Variants in ASTN2 observed in about 807,000 individuals in gnomAD.
ASTN2 encodes astrotactin-2.
Under a neutral mutation model 139.8 loss-of-function variants are expected in ASTN2, and 54 were observed. The ratio of observed to expected loss-of-function variants is 0.39; its 90% CI spans 0.31 to 0.48. The LOEUF (loss-of-function observed/expected upper bound fraction) is 0.48. Ranked by LOEUF, ASTN2 falls within the 20% of genes least tolerant of loss-of-function variation. ASTN2 has a pLI of 0.95. For synonymous variants in ASTN2, 756 were observed against 719.5 expected (o/e 1.05, Z -0.81); for missense variants, 1,565 against 1,725.1 (o/e 0.91, Z 1.64).
At chr9:117,313,689 C>A (rs561175045) in intron 1 of ASTN2, among the ~76,000 whole-genome samples, 5 of 152,220 alleles carry the variant, frequency 3.3e-5, no homozygotes, top group African/African-American at 1.2e-4. Flanking sequence ...AAGCCAGGAG[C>A]CTCCAGAACC....
At chr9:116,482,356 T>C (rs748061875) in intron 20 of ASTN2, among the ~76,000 whole-genome samples, 1 of 151,966 alleles carries the variant, frequency 6.6e-6, no homozygotes, top group East Asian at 1.9e-4. Flanking sequence ...AAAAAAACAC[T>C]ACCCTATCTC....
intron 5 of ASTN2, among the ~76,000 whole-genome samples, chr9:117,093,539 T>C (rs1587955262): frequency 6.6e-6 from 1 of 152,178 alleles, no homozygotes; most frequent in East Asian, 1.9e-4. Context: ...CAAGGGCTCC[T>C]GGACCTCCCT....
chr9:117,364,506 G>T (rs1488206898), intron 1 of ASTN2, among the ~76,000 whole-genome samples: 1 of 152,176 alleles, frequency 6.6e-6, no homozygotes, highest in Admixed American at 6.5e-5. Flanking sequence ...TAAAAAGCAG[G>T]CATGATTTAC....
chr9:117,162,684 T>C (rs1830580330), intron 3 of ASTN2, among the ~76,000 whole-genome samples: 1 of 152,080 alleles, frequency 6.6e-6, no homozygotes. Context: ...AATTGTACTG[T>C]TGTACAAAGG....
chr9:117,284,390 C>T (rs182354790), intron 2 of ASTN2, among the ~76,000 whole-genome samples: 117 of 152,346 alleles, frequency 7.7e-4, no homozygotes, highest in African/African-American at 2.8e-3. Flanking sequence ...CAGGCTTCAG[C>T]CACCGCACCT....
chr9:116,623,147 C>CTGTGTGTGTG lies in ASTN2; in HGVS notation c.3073-2714_3073-2705dup, dbSNP rs10527124. The stretch of plus-strand genomic sequence containing the variant: ...GCAATGGGAAGAGAGAGAGCATACT[C>CTGTGTGTGTG]TGTGTGTGTGTGTGTGTGTGTGTGT... On this transcript the variant is annotated intron_variant, in intron 17 of 22. Coordinates refer to ENST00000313400, the MANE Select transcript of ASTN2 (RefSeq NM_001365068.1). Among the ~76,000 whole-genome samples, 23 of 137,212 alleles carry CTGTGTGTGTG rather than the reference C, an allele frequency of 1.7e-4. No homozygotes were observed. The East Asian group carries it at 1.8e-3, about 11-fold the overall frequency. The allele number at this position is 137,212 out of a possible 152,430, so 90.0% of individuals were successfully genotyped here. A position where few individuals can be genotyped will look rare whatever the true frequency, so the allele number is the denominator to read the frequency against.
chr9:117,000,787 T>C (rs910936918), intron 7 of ASTN2, among the ~76,000 whole-genome samples: 11 of 152,208 alleles, frequency 7.2e-5, no homozygotes, highest in African/African-American at 2.7e-4. Context: ...TGTTTAATGA[T>C]TGTCTTTCTG....
At chr9:117,367,466 A>T (rs1829874421) in intron 1 of ASTN2, among the ~76,000 whole-genome samples, 1 of 152,194 alleles carries the variant, frequency 6.6e-6, no homozygotes. Context: ...TCTGTAAAGA[A>T]GGGACATTTT....
chr9:116,463,648 G>C (rs1029044188), intron 20 of ASTN2, among the ~76,000 whole-genome samples: 3 of 152,082 alleles, frequency 2.0e-5, no homozygotes. Flanking sequence ...ACTAATGTAA[G>C]GGGTATAGTT....
At chr9:116,452,711 G>A (rs1229341950) in intron 20 of ASTN2, among the ~76,000 whole-genome samples, 1 of 152,198 alleles carries the variant, frequency 6.6e-6, no homozygotes, top group Non-Finnish European at 1.5e-5. Context: ...CCCAACATAG[G>A]TCTACTTACT....
At chr9:117,175,502 G>A (rs1296159225) in intron 3 of ASTN2, among the ~76,000 whole-genome samples, 1 of 152,096 alleles carries the variant, frequency 6.6e-6, no homozygotes, top group Non-Finnish European at 1.5e-5. Context: ...AGAAGAAAAT[G>A]AATGAGGGAG....
chr9:116,731,515 T>G (rs1317949919), intron 14 of ASTN2, among the ~76,000 whole-genome samples: 2 of 152,098 alleles, frequency 1.3e-5, no homozygotes, highest in Non-Finnish European at 2.9e-5. Flanking sequence ...CTCCACCTCC[T>G]GGGTTCAAGT....
chr9:116,666,791 G>A (rs1431922001), intron 16 of ASTN2, among the ~76,000 whole-genome samples: 1 of 151,902 alleles, frequency 6.6e-6, no homozygotes, highest in Non-Finnish European at 1.5e-5. Flanking sequence ...GAAACACTTA[G>A]CTAAATCTGT....
intron 5 of ASTN2, among the ~76,000 whole-genome samples, chr9:117,093,034 G>A (rs1828745827): frequency 1.3e-5 from 2 of 152,180 alleles, no homozygotes; most frequent in Non-Finnish European, 2.9e-5. Flanking sequence ...GAAGCTGGAA[G>A]CCAGGTATAT....
At chr9:117,362,292 G>C (rs188746479) in intron 1 of ASTN2, among the ~76,000 whole-genome samples, 3 of 152,154 alleles carry the variant, frequency 2.0e-5, no homozygotes, top group Non-Finnish European at 2.9e-5. Flanking sequence ...TGTGTGCTTT[G>C]AGACAGTTCC....
intron 5 of ASTN2, among the ~76,000 whole-genome samples, chr9:117,087,276 C>CTAGT (rs1828591273): frequency 1.3e-5 from 2 of 151,096 alleles, no homozygotes; most frequent in Non-Finnish European, 2.9e-5. Context: ...ACTCTGATGC[C>CTAGT]CAGTCTTTAG....
At chr9:116,473,348 TACAG>T (rs1444853195) in intron 20 of ASTN2, among the ~76,000 whole-genome samples, 2 of 152,196 alleles carry the variant, frequency 1.3e-5, no homozygotes, top group Admixed American at 6.5e-5. Flanking sequence ...ACTCTTAGAT[TACAG>T]ACAGTTTTCA....
intron 6 of ASTN2, among the ~76,000 whole-genome samples, chr9:117,017,327 CTTT>C (rs1564386655): frequency 6.6e-6 from 1 of 152,086 alleles, no homozygotes; most frequent in East Asian, 1.9e-4. Context: ...TGTTGGATTT[CTTT>C]TTTAACTAAG....
chr9:117,037,297 C>T (rs1444314637), intron 6 of ASTN2, among the ~76,000 whole-genome samples: 12 of 151,168 alleles, frequency 7.9e-5, no homozygotes. Flanking sequence ...CCTTCCAAAT[C>T]ATCAAGACGG....
Sources: gnomAD v4.1 joint callset for allele counts (sites outside exome capture counted in the v4.1 genomes callset) on GRCh38, gnomAD v4.1.1 for gene constraint, MANE v1.5 for transcripts, NCBI Gene and HGNC (gene_info 2026-07-23, HGNC 2026-07-21) for gene names.